Variants in RNGTT observed in about 807,000 individuals in gnomAD.
RNGTT encodes the protein mRNA-capping enzyme.
RNGTT carries 33 observed loss-of-function variants against 79.3 expected under a neutral mutation model. The observed-to-expected ratio is 0.42, with a 90% CI of 0.32 to 0.56. The LOEUF (loss-of-function observed/expected upper bound fraction) is 0.56. RNGTT is among the 20% of genes least tolerant of loss of function. The pLI is 0.17. For synonymous variants in RNGTT, 222 were observed against 235.9 expected (o/e 0.94, Z 0.54); for missense variants, 497 against 739.1 (o/e 0.67, Z 3.80).
At chr6:88,674,548 C>CA (rs985335831) in intron 14 of RNGTT, among the ~76,000 whole-genome samples, 5 of 150,860 alleles carry the variant, frequency 3.3e-5, no homozygotes, top group Non-Finnish European at 4.4e-5. Flanking sequence ...GACTCTGTCT[C>CA]AAAAAAAAGA....
intron 13 of RNGTT, among the ~76,000 whole-genome samples, chr6:88,764,870 T>C (rs1030941414): frequency 1.3e-5 from 2 of 152,132 alleles, no homozygotes; most frequent in Non-Finnish European, 2.9e-5. Context: ...AAAGGGACAA[T>C]GTTATTATTT....
chr6:88,781,172 T>A (rs139097485), intron 12 of RNGTT, among the ~76,000 whole-genome samples: 185 of 152,316 alleles, frequency 1.2e-3, no homozygotes, highest in African/African-American at 4.2e-3. Flanking sequence ...TTGCCTCTAC[T>A]AACGTAATTA....
intron 13 of RNGTT, among the ~76,000 whole-genome samples, chr6:88,686,070 G>T (rs1775267559): frequency 6.7e-6 from 1 of 149,714 alleles, no homozygotes; most frequent in South Asian, 2.1e-4. Flanking sequence ...ATTAATCAAT[G>T]AATTTATAAT....
chr6:88,840,779 ACT>A (rs1482081319), intron 11 of RNGTT, among the ~76,000 whole-genome samples: 1 of 152,178 alleles, frequency 6.6e-6, no homozygotes, highest in African/African-American at 2.4e-5. Flanking sequence ...TAGTAAGAAC[ACT>A]GTCTTTCTAG....
At chr6:88,881,233 A>G (rs915141987) in intron 8 of RNGTT, among the ~76,000 whole-genome samples, 1 of 152,182 alleles carries the variant, frequency 6.6e-6, no homozygotes, top group African/African-American at 2.4e-5. Flanking sequence ...GCATAAAGAC[A>G]TAGTAAAGCG....
intron 13 of RNGTT, among the ~76,000 whole-genome samples, chr6:88,680,717 G>A (rs1168281892): frequency 6.0e-5 from 9 of 150,372 alleles, no homozygotes; most frequent in African/African-American, 2.0e-4. Flanking sequence ...ACTCCAGCCC[G>A]GGCAAGAAGA....
intron 13 of RNGTT, among the ~76,000 whole-genome samples, chr6:88,711,446 G>A (rs1193211709): frequency 1.3e-5 from 2 of 152,098 alleles, no homozygotes; most frequent in East Asian, 3.9e-4. Context: ...ATTAATAAAA[G>A]TGTTCTTAAC....
At chr6:88,878,164 C>T (rs1029406316) in intron 8 of RNGTT, among the ~76,000 whole-genome samples, 2 of 151,948 alleles carry the variant, frequency 1.3e-5, no homozygotes, top group Non-Finnish European at 2.9e-5. Context: ...GGTACAATCT[C>T]GGCTCACTGC....
At chr6:88,904,576 T>C (rs543603557) in intron 6 of RNGTT, 139 bp downstream of exon 6, 1 of 1,050,806 alleles carries the variant, frequency 9.5e-7, no homozygotes, top group East Asian at 2.8e-5. Context: ...AAAAAAAAAT[T>C]TTTTTTTTAG....
intron 11 of RNGTT, among the ~76,000 whole-genome samples, chr6:88,826,824 G>GTGTGTATA (rs1371450082): frequency 3.1e-5 from 4 of 129,218 alleles, no homozygotes; most frequent in African/African-American, 1.2e-4. Flanking sequence ...ATATGTGTGT[G>GTGTGTATA]TATATATATA....
intron 13 of RNGTT, among the ~76,000 whole-genome samples, chr6:88,767,038 C>T (rs1298509609): frequency 2.0e-5 from 3 of 152,052 alleles, no homozygotes; most frequent in African/African-American, 7.2e-5. Context: ...CTATAATGCA[C>T]AACATTCTTT....
At chr6:88,680,167 C>T (rs564013464) in intron 13 of RNGTT, among the ~76,000 whole-genome samples, 2 of 152,238 alleles carry the variant, frequency 1.3e-5, no homozygotes, top group East Asian at 1.9e-4. Context: ...ACAAGATTAT[C>T]GTAACCATCT....
chr6:88,763,087 C>CTTT (rs59200191), intron 13 of RNGTT, among the ~76,000 whole-genome samples: 23 of 95,508 alleles, frequency 2.4e-4, no homozygotes, highest in African/African-American at 7.6e-4. Context: ...TCATGGCCAG[C>CTTT]TTTTTTTTTT....
intron 14 of RNGTT, among the ~76,000 whole-genome samples, chr6:88,650,169 A>G: frequency 6.6e-6 from 1 of 152,302 alleles, no homozygotes; most frequent in Non-Finnish European, 1.5e-5. Context: ...CCTCACTAAT[A>G]TAATTTCTAC....
At position 88,612,042 on chromosome 6, in the gene RNGTT, C is replaced by T. The variant is rs576566827; in HGVS notation, c.*677G>A. On this transcript the variant is annotated 3_prime_UTR_variant, in exon 16 of 16. Coordinates refer to ENST00000369485, the MANE Select transcript of RNGTT (RefSeq NM_003800.5). ...CACACTGGATATCTGATATCATAGTCGAAACAATACAAACAGATGAAAATA... is the reference window on the plus strand; with the variant it reads ...CACACTGGATATCTGATATCATAGTTGAAACAATACAAACAGATGAAAATA... 3.3e-5 allele frequency: 5 copies of T among 152,476 alleles called. No individual in the cohort carries two copies. The highest frequency in any genetic ancestry group is 3.9e-4 in the East Asian group (2 of 5,180). 9.4% of individuals were successfully genotyped at this position (152,476 alleles called of 1,614,324 possible).
chr6:88,922,776 G>A (rs1044210552), intron 4 of RNGTT, among the ~76,000 whole-genome samples: 2 of 152,058 alleles, frequency 1.3e-5, no homozygotes, highest in Non-Finnish European at 2.9e-5. Flanking sequence ...TGATCCACCC[G>A]CCTCGGCCTC....
intron 2 of RNGTT, among the ~76,000 whole-genome samples, chr6:88,929,847 C>T (rs1403975725): frequency 6.8e-6 from 1 of 147,796 alleles, no homozygotes; most frequent in Non-Finnish European, 1.5e-5. Context: ...CATATACACA[C>T]ATATACATAT....
chr6:88,837,619 A>AC (rs1461609911), intron 11 of RNGTT, among the ~76,000 whole-genome samples: 2 of 152,144 alleles, frequency 1.3e-5, no homozygotes, highest in African/African-American at 4.8e-5. Context: ...ATATATTAAG[A>AC]CAAAGTAGGG....
intron 14 of RNGTT, among the ~76,000 whole-genome samples, chr6:88,650,583 G>A (rs796273436): frequency 2.0e-4 from 31 of 151,936 alleles, no homozygotes; most frequent in African/African-American, 6.3e-4. Context: ...TGAATCTAGC[G>A]TGATGGCAAA....
Sources: allele counts gnomAD v4.1 joint callset (sites outside exome capture counted in the v4.1 genomes callset), GRCh38; gene constraint gnomAD v4.1.1; transcripts MANE v1.5; gene names NCBI Gene and HGNC (gene_info 2026-07-23, HGNC 2026-07-21).